TPO: variants seen among roughly 807,000 people sequenced by gnomAD.
TPO encodes thyroid microsomal antigen.
In TPO, 78 loss-of-function variants were observed where a neutral mutation model predicts 96.9. That is an observed-to-expected ratio of 0.81 (90% CI 0.67 to 0.97). The LOEUF (loss-of-function observed/expected upper bound fraction) is 0.97, where lower values mean the gene tolerates loss of function less well. Ranked by LOEUF, TPO falls within the 50% of genes least tolerant of loss-of-function variation. The pLI is 0.00. For missense variants in TPO, 1,252 were observed against 1,274.8 expected (o/e 0.98, Z 0.27); for synonymous variants, 547 against 538.0 (o/e 1.02, Z -0.23).
In TPO at chr2:1,450,376, G is replaced by T. The variant is rs573349293; in HGVS notation, c.483-3318G>T. On this transcript the variant is annotated intron_variant, in intron 5 of 16. Coordinates refer to ENST00000329066, the MANE Select transcript of TPO (RefSeq NM_001206744.2). The stretch of plus-strand genomic sequence containing the variant: ...CTCCAGTGCCAGGTGCCTGGGAGAG[G>T]GGAACTAGGGTCCCAGGGAAATCAG... 4.6e-5 allele frequency among the ~76,000 whole-genome samples: 7 copies of T among 152,170 alleles called. No homozygotes were observed. The South Asian group carries it at 1.4e-3, about 32-fold the overall frequency.
chr2:1,399,210 C>T (rs1435068077), intron 1 of TPO, among the ~76,000 whole-genome samples: 7 of 152,230 alleles, frequency 4.6e-5, no homozygotes, highest in East Asian at 1.9e-4. Flanking sequence ...CCAGCCCCCC[C>T]GAGGGAGGCA....
rs138971104 is a variant in TPO, at chr2:1,419,329, G to A, written c.95-3716G>A. On this transcript the variant is annotated intron_variant, in intron 2 of 16. Transcript: ENST00000329066. ...CTTGCATCAGACGCCTCTTCCCTGG[G>A]ATTGCTGGGAACTGAGGAAGGAAGG... Among the ~76,000 whole-genome samples the A allele has an allele frequency of 4.5e-3, 679 of 152,260 alleles. 9 individuals carry two copies. Among genetic ancestry groups the A allele is most frequent in the African/African-American group, 0.015 (640 of 41,542 alleles).
At chr2:1,530,349 G>C (rs73178583) in intron 15 of TPO, among the ~76,000 whole-genome samples, 127,790 of 127,998 alleles carry the variant, frequency 1, 63,791 homozygotes, top group Middle Eastern at 1. Context: ...ATCCCCCCAA[G>C]TGTGTGCAAC....
chr2:1,508,423 G>A (rs191958996), intron 14 of TPO, among the ~76,000 whole-genome samples: 2 of 151,908 alleles, frequency 1.3e-5, no homozygotes, highest in East Asian at 1.9e-4. Context: ...GAGGATTCCC[G>A]CTTTTTGTAT....
At chr2:1,515,742 C>A (rs899550095) in intron 14 of TPO, among the ~76,000 whole-genome samples, 1 of 151,972 alleles carries the variant, frequency 6.6e-6, no homozygotes, top group African/African-American at 2.4e-5. Flanking sequence ...CATTCATCAC[C>A]GACTTTAAAA....
At chr2:1,418,510 G>C (rs1663179163) in intron 2 of TPO, among the ~76,000 whole-genome samples, 1 of 152,108 alleles carries the variant, frequency 6.6e-6, no homozygotes, top group South Asian at 2.1e-4. Context: ...TGAAAATTCT[G>C]TAATAAGAGT....
Position 1,514,938 on chromosome 2 carries a change from G to A in TPO, c.2519-1945G>A, listed in dbSNP as rs549877963. On this transcript the variant is annotated intron_variant, in intron 14 of 16. Transcript: ENST00000329066. ...TGGGCTTCAATCAGATGCTCGCCAC[G>A]GCCCAGGACGTGGCTCCTCCTCTCA... 5.9e-5 allele frequency among the ~76,000 whole-genome samples: 9 copies of A among 152,224 alleles called. No individual in the cohort carries two copies. In the South Asian group the frequency reaches 6.2e-4, roughly 11 times the overall value.
intron 1 of TPO, among the ~76,000 whole-genome samples, chr2:1,400,209 T>C (rs191359757): frequency 1.9e-4 from 29 of 152,248 alleles, no homozygotes; most frequent in African/African-American, 7.0e-4. Flanking sequence ...AAACCAAAAA[T>C]AGGCCAGCTG....
At chr2:1,487,450 T>C (rs1350100643) in intron 9 of TPO, among the ~76,000 whole-genome samples, 1 of 152,136 alleles carries the variant, frequency 6.6e-6, no homozygotes, top group African/African-American at 2.4e-5. Context: ...GATTGAGCTA[T>C]TGGGCTGGGC....
chr2:1,489,478 G>C (rs1393301821), intron 10 of TPO, among the ~76,000 whole-genome samples: 1 of 152,170 alleles, frequency 6.6e-6, no homozygotes, highest in Admixed American at 6.5e-5. Flanking sequence ...ACCTTCCTCT[G>C]CTTCACTTTT....
intron 1 of TPO, among the ~76,000 whole-genome samples, chr2:1,383,539 T>C (rs1661842890): frequency 6.6e-6 from 1 of 152,260 alleles, no homozygotes; most frequent in Non-Finnish European, 1.5e-5. Flanking sequence ...GAGAAGTGTC[T>C]GTTCATATGC....
At chr2:1,523,075 A>ACACTGTGTGCAACCTCCCCAAATCCCCC (rs1675538642) in intron 15 of TPO, among the ~76,000 whole-genome samples, 1 of 66,100 alleles carries the variant, frequency 1.5e-5, no homozygotes, top group Non-Finnish European at 2.9e-5. Flanking sequence ...CCAAATCCCG[A>ACACTGTGTGCAACCTCCCCAAATCCCCC]CACTGTGTGC....
intron 8 of TPO, among the ~76,000 whole-genome samples, chr2:1,484,125 T>A (rs1276675233): frequency 6.6e-6 from 1 of 152,244 alleles, no homozygotes; most frequent in Non-Finnish European, 1.5e-5. Context: ...TATCAAATCG[T>A]AATTTCCAGG....
chr2:1,416,620 C>T (rs935563034), intron 2 of TPO, among the ~76,000 whole-genome samples: 3 of 152,232 alleles, frequency 2.0e-5, no homozygotes, highest in African/African-American at 4.8e-5. Flanking sequence ...CTGACAACTG[C>T]CCCGCGTGCT....
chr2:1,510,471 T>C (rs1673986936), intron 14 of TPO, among the ~76,000 whole-genome samples: 2 of 152,076 alleles, frequency 1.3e-5, no homozygotes, highest in South Asian at 4.2e-4. Flanking sequence ...GCCACCACCC[T>C]CCATCCCTCC....
At chr2:1,406,378 TTTG>T (rs1396340890) in intron 1 of TPO, among the ~76,000 whole-genome samples, 1 of 152,250 alleles carries the variant, frequency 6.6e-6, no homozygotes, top group Non-Finnish European at 1.5e-5. Context: ...TGTGTTACAT[TTTG>T]TTATCTTTTT....
At chr2:1,540,472 G>T (rs1302287620) in intron 15 of TPO, 122 bp from the exon 16 acceptor site, 5 of 1,593,160 alleles carry the variant, frequency 3.1e-6, no homozygotes, top group African/African-American at 1.3e-5. Context: ...AATGAAAGTG[G>T]GTTGGAGTGT....
At chr2:1,433,348 T>C (rs2148490147) in intron 3 of TPO, 90 bp from the exon 4 acceptor site, 1 of 1,516,450 alleles carries the variant, frequency 6.6e-7, no homozygotes, top group East Asian at 2.3e-5. Context: ...CAGTAGTTAC[T>C]CAATAAATGT....
At chr2:1,438,394 G>A (rs1015913122) in intron 5 of TPO, among the ~76,000 whole-genome samples, 7 of 152,258 alleles carry the variant, frequency 4.6e-5, no homozygotes, top group South Asian at 2.1e-4. Context: ...TCCGTGGCCC[G>A]AAGCACTTTC....
Sources: gnomAD v4.1 joint callset for allele counts (sites outside exome capture counted in the v4.1 genomes callset) on GRCh38, gnomAD v4.1.1 for gene constraint, MANE v1.5 for transcripts, NCBI Gene and HGNC (gene_info 2026-07-23, HGNC 2026-07-21) for gene names.